Variants in RPS6KC1 observed in about 807,000 individuals in gnomAD.
The protein encoded by RPS6KC1 is inactive ribosomal protein S6 kinase delta-1.
Under a neutral mutation model 103.8 loss-of-function variants are expected in RPS6KC1, and 54 were observed. The observed-to-expected ratio is 0.52, with a 90% CI of 0.42 to 0.65. The LOEUF is 0.65. Ranked by LOEUF, RPS6KC1 falls within the 30% of genes least tolerant of loss-of-function variation. RPS6KC1 has a pLI of 0.00. For missense variants in RPS6KC1, 1,151 were observed against 1,253.8 expected, an observed-to-expected ratio of 0.92 and a Z score of 1.24; for synonymous variants, 439 against 438.7, an observed-to-expected ratio of 1.00 and a Z score of -0.01.
the RPS6KC1 span, among the ~76,000 whole-genome samples, chr1:213,538,759 C>G: frequency 0.028 from 4,241 of 152,122 alleles, 194 homozygotes; most frequent in African/African-American, 0.095. Flanking sequence ...GAAGAACATG[C>G]ATTTTACTGG....
the RPS6KC1 span, among the ~76,000 whole-genome samples, chr1:213,343,438 T>C: frequency 0.23 from 10,485 of 45,348 alleles, 2,193 homozygotes; most frequent in East Asian, 0.4. Flanking sequence ...TATATATATA[T>C]ATACATACCA....
At chr1:213,454,328 A>T in the RPS6KC1 span, among the ~76,000 whole-genome samples, 1 of 152,352 alleles carries the variant, frequency 6.6e-6, no homozygotes, top group East Asian at 1.9e-4. Flanking sequence ...AAAACATTTA[A>T]TACTTATTTT....
the RPS6KC1 span, among the ~76,000 whole-genome samples, chr1:213,780,136 C>T: frequency 0.54 from 82,541 of 151,964 alleles, 24,111 homozygotes; most frequent in East Asian, 0.83. Flanking sequence ...AAAAATGCAA[C>T]GCAGAAAGAA....
chr1:213,166,791 G>A (rs1277742040), intron 6 of RPS6KC1, among the ~76,000 whole-genome samples: 2 of 152,168 alleles, frequency 1.3e-5, no homozygotes, highest in Admixed American at 6.5e-5. Flanking sequence ...TTGCATGTGC[G>A]GAAATCCAAA....
chr1:213,476,928 A>G, the RPS6KC1 span, among the ~76,000 whole-genome samples: 5 of 152,358 alleles, frequency 3.3e-5, no homozygotes, highest in South Asian at 1.0e-3. Context: ...GTCAAGAAGA[A>G]TCCACGTTGT....
chr1:213,618,954 A>G, the RPS6KC1 span, among the ~76,000 whole-genome samples: 2 of 152,236 alleles, frequency 1.3e-5, no homozygotes, highest in African/African-American at 2.4e-5. Flanking sequence ...TGGGGAGTGC[A>G]GTGATGGCGA....
intron 4 of RPS6KC1, among the ~76,000 whole-genome samples, chr1:213,109,625 C>A (rs190447857): frequency 1.2e-4 from 19 of 152,080 alleles, no homozygotes; most frequent in African/African-American, 3.9e-4. Flanking sequence ...GTACTTTATC[C>A]ATTTTTGTGA....
chr1:213,631,815 T>C, the RPS6KC1 span, among the ~76,000 whole-genome samples: 1 of 152,094 alleles, frequency 6.6e-6, no homozygotes, highest in Non-Finnish European at 1.5e-5. Context: ...TTTTTTGCCC[T>C]ACAAAACTAT....
chr1:213,119,453 T>TGAG (rs1465932748), intron 5 of RPS6KC1, among the ~76,000 whole-genome samples: 6 of 4,580 alleles, frequency 1.3e-3, no homozygotes, highest in Non-Finnish European at 2.3e-3. Context: ...TATATATATA[T>TGAG]ATATATATAT....
the RPS6KC1 span, chr1:213,820,276 CCTT>C: frequency 2.4e-4 from 36 of 152,278 alleles, no homozygotes; most frequent in African/African-American, 8.4e-4. Context: ...AGGAGCTCTG[CCTT>C]CTTATTAGGG....
At chr1:213,387,462 A>G in the RPS6KC1 span, among the ~76,000 whole-genome samples, 2 of 152,154 alleles carry the variant, frequency 1.3e-5, no homozygotes, top group Non-Finnish European at 2.9e-5. Context: ...TTGCACATCC[A>G]ACTTGTCCCA....
chr1:213,813,747 G>T, the RPS6KC1 span, among the ~76,000 whole-genome samples: 1 of 152,210 alleles, frequency 6.6e-6, no homozygotes, highest in African/African-American at 2.4e-5. Flanking sequence ...GGCCTTGGAA[G>T]TGGGGGAGCA....
chr1:213,110,804 C>A (rs1045261207), intron 4 of RPS6KC1, among the ~76,000 whole-genome samples: 1 of 152,020 alleles, frequency 6.6e-6, no homozygotes, highest in African/African-American at 2.4e-5. Context: ...TTATGAAGAC[C>A]CCCTGTGGCT....
At chr1:213,664,363 A>G in the RPS6KC1 span, among the ~76,000 whole-genome samples, 1 of 152,170 alleles carries the variant, frequency 6.6e-6, no homozygotes, top group Non-Finnish European at 1.5e-5. Context: ...AAATCCAAGC[A>G]TGGGGTCCTT....
the RPS6KC1 span, among the ~76,000 whole-genome samples, chr1:213,437,435 T>A: frequency 6.6e-6 from 1 of 152,062 alleles, no homozygotes; most frequent in Non-Finnish European, 1.5e-5. Context: ...GACTTTTGAG[T>A]TTAAAAGAGA....
intron 9 of RPS6KC1, among the ~76,000 whole-genome samples, chr1:213,230,764 G>A (rs545393496): frequency 2.7e-5 from 4 of 150,162 alleles, no homozygotes; most frequent in African/African-American, 9.8e-5. Flanking sequence ...GAACCCAGGA[G>A]GCAGAGATTG....
the RPS6KC1 span, among the ~76,000 whole-genome samples, chr1:213,551,385 A>T: frequency 6.6e-6 from 1 of 152,168 alleles, no homozygotes; most frequent in African/African-American, 2.4e-5. Flanking sequence ...GGAGCCCTCC[A>T]CGGTGGTACC....
At chr1:213,130,001 G>A (rs368326317) in intron 6 of RPS6KC1, 112 bp downstream of exon 6, 1 of 1,084,700 alleles carries the variant, frequency 9.2e-7, no homozygotes, top group Non-Finnish European at 1.3e-6. Flanking sequence ...CTGAAAATGA[G>A]AAATTACTGA....
the RPS6KC1 span, among the ~76,000 whole-genome samples, chr1:213,847,695 T>C: frequency 2.0e-5 from 3 of 152,280 alleles, no homozygotes; most frequent in South Asian, 6.2e-4. Flanking sequence ...TTGAATCCTT[T>C]ATGCATCCCT....
Sources: allele counts gnomAD v4.1 joint callset (sites outside exome capture counted in the v4.1 genomes callset), GRCh38; gene constraint gnomAD v4.1.1; transcripts MANE v1.5; gene names NCBI Gene and HGNC (gene_info 2026-07-23, HGNC 2026-07-21).